The following SGCZ variants were observed in gnomAD, a reference collection of about 807,000 sequenced individuals.
SGCZ encodes the protein sarcoglycan zeta.
In SGCZ, 40 loss-of-function variants were observed where a neutral mutation model predicts 41.3. That is an observed-to-expected ratio of 0.97 (90% confidence interval 0.75 to 1.26). SGCZ has a LOEUF of 1.26. SGCZ is among the 50% of genes most tolerant of loss of function. The pLI is 0.00. For missense variants in SGCZ, 552 were observed against 369.8 expected, an observed-to-expected ratio of 1.49 and a Z score of -4.04; for synonymous variants, 206 against 137.5, an observed-to-expected ratio of 1.50 and a Z score of -3.49.
chr8:14,299,845 G>T (rs1395898268), intron 3 of SGCZ, among the ~76,000 whole-genome samples: 1 of 149,402 alleles, frequency 6.7e-6, no homozygotes, highest in African/African-American at 2.5e-5. Context: ...TGAAGAAAAA[G>T]AATATAGTAT....
chr8:15,006,119 A>C (rs1381061825), intron 1 of SGCZ, among the ~76,000 whole-genome samples: 3 of 152,148 alleles, frequency 2.0e-5, no homozygotes, highest in Admixed American at 6.5e-5. Flanking sequence ...ATATTTATGC[A>C]TTGTGGGAAA....
intron 2 of SGCZ, among the ~76,000 whole-genome samples, chr8:14,466,745 C>T (rs1246662471): frequency 2.0e-5 from 3 of 151,738 alleles, no homozygotes; most frequent in South Asian, 2.1e-4. Context: ...TTTTAAAATC[C>T]TCTAATAACT....
At chr8:15,208,349 T>C (rs573548985) in intron 1 of SGCZ, among the ~76,000 whole-genome samples, 1 of 152,338 alleles carries the variant, frequency 6.6e-6, no homozygotes, top group African/African-American at 2.4e-5. Flanking sequence ...AACATCTGAC[T>C]AACGCATCCA....
intron 1 of SGCZ, among the ~76,000 whole-genome samples, chr8:15,072,807 T>C (rs551239610): frequency 6.6e-6 from 1 of 152,300 alleles, no homozygotes; most frequent in African/African-American, 2.4e-5. Flanking sequence ...TCTCAGAGCA[T>C]GAAATTATCG....
At chr8:14,995,760 T>C (rs1040939196) in intron 1 of SGCZ, among the ~76,000 whole-genome samples, 2 of 152,174 alleles carry the variant, frequency 1.3e-5, no homozygotes, top group South Asian at 4.1e-4. Flanking sequence ...GTGTTAAGTA[T>C]CAATATTACT....
chr8:14,768,085 C>G (rs935604132), intron 1 of SGCZ, among the ~76,000 whole-genome samples: 3 of 152,126 alleles, frequency 2.0e-5, no homozygotes, highest in Non-Finnish European at 4.4e-5. Context: ...ATAGTGCACT[C>G]TATTAAGCCC....
Position 14,777,797 on chromosome 8 carries a change from A to T in SGCZ, c.40-222871T>A, listed in dbSNP as rs1188347741. Among the ~76,000 whole-genome samples, 3 of 152,112 alleles carry T rather than the reference A, an allele frequency of 2.0e-5. No individual in the cohort carries two copies. In the East Asian group the frequency reaches 5.8e-4, roughly 29 times the overall value. On this transcript the variant is annotated intron_variant, in intron 1 of 7. Transcript: ENST00000382080. The stretch of plus-strand genomic sequence containing the variant: ...AAGAGAGAGATGGAGTAATAGAGAA[A>T]ATAAAGCCAGTGTGGCAAAATGTTA...
intron 1 of SGCZ, among the ~76,000 whole-genome samples, chr8:14,691,868 T>C (rs953383661): frequency 1.3e-5 from 2 of 152,044 alleles, no homozygotes; most frequent in African/African-American, 4.8e-5. Flanking sequence ...CATAATTTTA[T>C]AACTGTTTTG....
chr8:14,397,869 C>T (rs1585452570), intron 2 of SGCZ, among the ~76,000 whole-genome samples: 1 of 152,148 alleles, frequency 6.6e-6, no homozygotes, highest in East Asian at 1.9e-4. Flanking sequence ...GCCATGGACA[C>T]TTAAGTTTCC....
At chr8:14,553,856 T>G (rs1481465565) in intron 2 of SGCZ, among the ~76,000 whole-genome samples, 2 of 152,078 alleles carry the variant, frequency 1.3e-5, no homozygotes, top group Non-Finnish European at 2.9e-5. Context: ...CTCCTGAGGA[T>G]GCAGAGTTCT....
rs1801514447 is a variant in SGCZ, at chr8:14,086,066, T to A, written c.*4377A>T. 6.6e-6 allele frequency among the ~76,000 whole-genome samples: 1 copy of A among 151,750 alleles called. No individual in the cohort carries two copies. The highest frequency in any genetic ancestry group is 6.6e-5 in the Admixed American group (1 of 15,180). On this transcript the variant is annotated 3_prime_UTR_variant, in exon 8 of 8. Transcript: ENST00000382080. Reference sequence around the variant, plus strand: ...TTGTGATAATGATATTTTGTAGTGTTCATTACTGTAATATACACCAGTACA... The same window carrying A: ...TTGTGATAATGATATTTTGTAGTGTACATTACTGTAATATACACCAGTACA...
intron 1 of SGCZ, among the ~76,000 whole-genome samples, chr8:14,737,690 C>G (rs1412759766): frequency 1.3e-5 from 2 of 152,040 alleles, no homozygotes; most frequent in African/African-American, 4.8e-5. Context: ...TTTCATATGG[C>G]CTTCTCTCCA....
Position 14,237,583 on chromosome 8 carries a change from A to T in SGCZ, c.424+9T>A. ...ACAGTAGGAGCAATCTTTACCCCAAAACACTCACCTATGGTCAGCTGTCCG... is the reference window on the plus strand; with the variant it reads ...ACAGTAGGAGCAATCTTTACCCCAATACACTCACCTATGGTCAGCTGTCCG... On this transcript the variant is annotated intron_variant, in intron 4 of 7. Transcript: ENST00000382080. 6.2e-7 allele frequency: 1 copy of T among 1,612,442 alleles called. No individual in the cohort carries two copies. Among genetic ancestry groups the T allele is most frequent in the Non-Finnish European group, 8.5e-7 (1 of 1,179,136 alleles).
rs538223147 is a variant in SGCZ, at chr8:14,888,121, G to C, written c.40-333195C>G. ...CAAGATGTAATAAAATAAAAAAGTAGACAAAGAATATAAACTGAGCATCAC... is the reference window on the plus strand; with the variant it reads ...CAAGATGTAATAAAATAAAAAAGTACACAAAGAATATAAACTGAGCATCAC... On this transcript the variant is annotated intron_variant, in intron 1 of 7. Coordinates refer to ENST00000382080, the MANE Select transcript of SGCZ (RefSeq NM_139167.4). Among the ~76,000 whole-genome samples, 14 of 152,152 alleles carry C rather than the reference G, an allele frequency of 9.2e-5. 1 individual carries two copies. The South Asian group carries it at 2.9e-3, about 32-fold the overall frequency.
chr8:14,095,437 T>C (rs1052683187), intron 7 of SGCZ, among the ~76,000 whole-genome samples: 16 of 152,194 alleles, frequency 1.1e-4, no homozygotes, highest in Non-Finnish European at 1.6e-4. Context: ...TGGTCGTAGA[T>C]GTATGGTGTT....
At chr8:14,227,741 G>A (rs1806420737) in intron 4 of SGCZ, among the ~76,000 whole-genome samples, 2 of 151,940 alleles carry the variant, frequency 1.3e-5, no homozygotes, top group Admixed American at 6.6e-5. Context: ...AAGAATAGCT[G>A]GGGTTCATTT....
At chr8:14,383,285 A>G (rs1013239736) in intron 2 of SGCZ, among the ~76,000 whole-genome samples, 3 of 152,230 alleles carry the variant, frequency 2.0e-5, no homozygotes, top group Non-Finnish European at 4.4e-5. Context: ...AAATACTGAT[A>G]AGAGACATTT....
chr8:14,140,491 T>C (rs1288541886), intron 5 of SGCZ, among the ~76,000 whole-genome samples: 5 of 152,110 alleles, frequency 3.3e-5, no homozygotes, highest in African/African-American at 1.2e-4. Flanking sequence ...ACAAAATCAA[T>C]GTACAAAAAT....
chr8:15,056,634 GT>G (rs1198857983), intron 1 of SGCZ, among the ~76,000 whole-genome samples: 3 of 151,858 alleles, frequency 2.0e-5, no homozygotes, highest in South Asian at 4.2e-4. Flanking sequence ...TAATCTAAAT[GT>G]TTTTTCCACT....
Sources: gnomAD v4.1 joint callset for allele counts (sites outside exome capture counted in the v4.1 genomes callset) on GRCh38, gnomAD v4.1.1 for gene constraint, MANE v1.5 for transcripts, NCBI Gene and HGNC (gene_info 2026-07-23, HGNC 2026-07-21) for gene names.